HCN1: variants seen among roughly 807,000 people sequenced by gnomAD.
The protein encoded by HCN1 is hyperpolarization activated cyclic nucleotide gated potassium channel 1.
A neutral mutation model predicts 78.9 loss-of-function variants in HCN1; 13 were observed. That is an observed-to-expected ratio of 0.16 (90% CI 0.11 to 0.26). The LOEUF (loss-of-function observed/expected upper bound fraction) is 0.26, where lower values mean the gene tolerates loss of function less well. HCN1 is among the 10% of genes least tolerant of loss of function. HCN1 has a pLI of 1.00. For missense variants in HCN1, 810 were observed against 1,154.3 expected, an observed-to-expected ratio of 0.70 and a Z score of 4.32; for synonymous variants, 552 against 455.5, an observed-to-expected ratio of 1.21 and a Z score of -2.70.
At chr5:45,297,790 G>T (rs1251952169) in intron 6 of HCN1, among the ~76,000 whole-genome samples, 1 of 152,018 alleles carries the variant, frequency 6.6e-6, no homozygotes, top group Non-Finnish European at 1.5e-5. Flanking sequence ...TGCAAGGCTG[G>T]TTCAACATTT....
intron 3 of HCN1, 139 bp from the exon 4 acceptor site, chr5:45,396,849 T>A: frequency 2.8e-6 from 2 of 719,050 alleles, no homozygotes; most frequent in Non-Finnish European, 2.5e-6. Context: ...CAAATGTACT[T>A]CTCACTAACT....
chr5:45,644,460 C>T (rs965265136), intron 2 of HCN1: 3 of 152,200 alleles, frequency 2.0e-5, no homozygotes. Context: ...TGAGCCCTCT[C>T]AGGTCCCACC....
At chr5:45,382,355 A>G (rs1023541675) in intron 4 of HCN1, among the ~76,000 whole-genome samples, 2 of 152,194 alleles carry the variant, frequency 1.3e-5, no homozygotes, top group Non-Finnish European at 2.9e-5. Flanking sequence ...CATGTTTAAT[A>G]TGGTACCCTC....
intron 4 of HCN1, among the ~76,000 whole-genome samples, chr5:45,372,192 T>TG (rs1187858883): frequency 3.2e-5 from 2 of 61,666 alleles, no homozygotes; most frequent in African/African-American, 1.0e-4. Flanking sequence ...TATAATACAA[T>TG]TAATATAATA....
At chr5:45,684,824 T>C (rs1214117844) in intron 1 of HCN1, among the ~76,000 whole-genome samples, 2 of 152,186 alleles carry the variant, frequency 1.3e-5, no homozygotes, top group African/African-American at 2.4e-5. Flanking sequence ...ATCATGCCAC[T>C]GCACTCCACC....
chr5:45,430,614 G>T (rs943964829), intron 3 of HCN1, among the ~76,000 whole-genome samples: 1 of 152,050 alleles, frequency 6.6e-6, no homozygotes, highest in Admixed American at 6.6e-5. Context: ...CAAAGAACAT[G>T]ATATTGTTCT....
chr5:45,486,703 T>C (rs890215172), intron 2 of HCN1, among the ~76,000 whole-genome samples: 2 of 152,086 alleles, frequency 1.3e-5, no homozygotes, highest in East Asian at 3.8e-4. Context: ...ACTATCTTCA[T>C]AGCTCATCAA....
intron 3 of HCN1, among the ~76,000 whole-genome samples, chr5:45,423,091 T>C (rs1203077073): frequency 6.6e-6 from 1 of 152,180 alleles, no homozygotes; most frequent in Non-Finnish European, 1.5e-5. Flanking sequence ...AGGTGATGGA[T>C]ATTCCAATTA....
intron 1 of HCN1, among the ~76,000 whole-genome samples, chr5:45,665,468 G>T (rs1035076452): frequency 7.1e-6 from 1 of 141,536 alleles, no homozygotes; most frequent in Admixed American, 7.2e-5. Flanking sequence ...ATAAAAAAAA[G>T]ATATGGCTTT....
chr5:45,567,194 G>A (rs1426052729), intron 2 of HCN1, among the ~76,000 whole-genome samples: 2 of 150,644 alleles, frequency 1.3e-5, no homozygotes, highest in Non-Finnish European at 3.0e-5. Flanking sequence ...TCATCTGCCA[G>A]CATCACAGAT....
intron 2 of HCN1, among the ~76,000 whole-genome samples, chr5:45,635,323 A>G (rs1745337059): frequency 1.3e-5 from 2 of 151,990 alleles, no homozygotes; most frequent in Non-Finnish European, 2.9e-5. Flanking sequence ...GAATTCCCCC[A>G]TTCTCAACTC....
chr5:45,317,558 A>G (rs575434900), intron 5 of HCN1, among the ~76,000 whole-genome samples: 1 of 152,334 alleles, frequency 6.6e-6, no homozygotes, highest in East Asian at 1.9e-4. Flanking sequence ...GCCACAATTG[A>G]CAAATGGGAT....
At chr5:45,491,168 A>C (rs1274087467) in intron 2 of HCN1, among the ~76,000 whole-genome samples, 1 of 152,162 alleles carries the variant, frequency 6.6e-6, no homozygotes, top group Non-Finnish European at 1.5e-5. Context: ...TTAAATATTA[A>C]CATGTATTGC....
intron 5 of HCN1, among the ~76,000 whole-genome samples, chr5:45,339,271 C>A (rs986735503): frequency 3.3e-5 from 5 of 152,036 alleles, no homozygotes; most frequent in African/African-American, 1.2e-4. Context: ...AGATAATAAA[C>A]TAACAAATGA....
intron 2 of HCN1, among the ~76,000 whole-genome samples, chr5:45,474,453 GT>G (rs1223780326): frequency 6.6e-6 from 1 of 151,764 alleles, no homozygotes; most frequent in Non-Finnish European, 1.5e-5. Flanking sequence ...TCTCACTTGA[GT>G]TTTTTCAAAA....
At chr5:45,672,243 G>A (rs1176400326) in intron 1 of HCN1, among the ~76,000 whole-genome samples, 1 of 151,520 alleles carries the variant, frequency 6.6e-6, no homozygotes, top group Non-Finnish European at 1.5e-5. Flanking sequence ...ATAAACAAAG[G>A]CTGTCTTAAT....
chr5:45,565,060 A>C (rs995353678), intron 2 of HCN1, among the ~76,000 whole-genome samples: 6 of 152,200 alleles, frequency 3.9e-5, no homozygotes, highest in African/African-American at 1.4e-4. Context: ...TATCAGAGAA[A>C]AAGCAATGAA....
Position 45,286,928 on chromosome 5 carries a change from TCTGA to T in HCN1, c.1618+16667_1618+16670del, listed in dbSNP as rs200642043. ...ACTTTATTATTTTTTGCTGAACTGT[TCTGA>T]CTGACAATTTTATTCTTCCCATGTA... On this transcript the variant is annotated intron_variant, in intron 6 of 7. Transcript: ENST00000303230. 5.5e-3 allele frequency among the ~76,000 whole-genome samples: 843 copies of T among 152,196 alleles called. 9 individuals are homozygous for T. Among genetic ancestry groups the T allele is most frequent in the African/African-American group, 0.018 (759 of 41,542 alleles).
chr5:45,332,424 C>G (rs1746363936), intron 5 of HCN1, among the ~76,000 whole-genome samples: 1 of 151,028 alleles, frequency 6.6e-6, no homozygotes, highest in African/African-American at 2.4e-5. Context: ...AATACTAGAT[C>G]TTATTCATTC....
Sources: allele counts gnomAD v4.1 joint callset (sites outside exome capture counted in the v4.1 genomes callset), GRCh38; gene constraint gnomAD v4.1.1; transcripts MANE v1.5; gene names NCBI Gene and HGNC (gene_info 2026-07-23, HGNC 2026-07-21).